VPS13B: variants seen among roughly 807,000 people sequenced by gnomAD.
VPS13B encodes the protein intermembrane lipid transfer protein VPS13B.
Under a neutral mutation model 426.4 loss-of-function variants are expected in VPS13B, and 285 were observed. That is an observed-to-expected ratio of 0.67 (90% CI 0.61 to 0.74). The LOEUF (loss-of-function observed/expected upper bound fraction) is 0.74, where lower values mean the gene tolerates loss of function less well. VPS13B is among the 30% of genes least tolerant of loss of function. The pLI, the probability that VPS13B is intolerant of heterozygous loss-of-function variation, is 0.00. For synonymous variants in VPS13B, 1,676 were observed against 1,676.4 expected (o/e 1.00, Z 0.01); for missense variants, 4,537 against 4,782.6 (o/e 0.95, Z 1.51).
intron 17 of VPS13B, among the ~76,000 whole-genome samples, chr8:99,204,036 G>A (rs13256012): frequency 0.83 from 125,778 of 152,160 alleles, 52,501 homozygotes; most frequent in South Asian, 0.89. Flanking sequence ...ACCAAAAAAG[G>A]GCCTGTATAG....
chr8:99,356,479 C>T (rs1288791541), intron 19 of VPS13B, among the ~76,000 whole-genome samples: 2 of 152,072 alleles, frequency 1.3e-5, no homozygotes, highest in East Asian at 3.9e-4. Flanking sequence ...GAGACCCTGT[C>T]TCTACAAAAT....
rs1817414649 is a variant in VPS13B at position 99,871,527 on chromosome 8, C to T, written c.11575C>T (p.His3859Tyr). The T allele has an allele frequency of 2.5e-6, 4 of 1,614,224 alleles. No individual in the cohort carries two copies. The highest frequency in any genetic ancestry group is 2.5e-6 in the Non-Finnish European group (3 of 1,180,038). Residue 3859 changes from histidine (H) to tyrosine (Y), a missense_variant, in exon 61 of 62, where the codon CAT (histidine) becomes TAT (tyrosine). Physicochemically the swap from His to Tyr is moderately conservative, Grantham distance 83. This residue lies in a region of VPS13B where 4,311 missense variants were observed against 4,474.3 expected (regional missense o/e 0.96). Coordinates refer to ENST00000357162, the MANE Select transcript of VPS13B (RefSeq NM_152564.5). Reference protein sequence around the residue: ...VVLVRGSGQEHEGCLLLTSEV... With the variant: ...VVLVRGSGQEYEGCLLLTSEV... ...TCTGGTGAGGGGCTCAGGCCAGGAG[C>T]ATGAAGGGTGCTTGCTGCTGACATC...
intron 33 of VPS13B, among the ~76,000 whole-genome samples, chr8:99,611,510 A>C (rs1427205074): frequency 6.6e-6 from 1 of 152,026 alleles, no homozygotes; most frequent in Admixed American, 6.6e-5. Context: ...TAATTCTCAA[A>C]TAGCTAAATG....
At chr8:99,021,622 A>G (rs1312336412) in intron 2 of VPS13B, among the ~76,000 whole-genome samples, 1 of 149,814 alleles carries the variant, frequency 6.7e-6, no homozygotes, top group Non-Finnish European at 1.5e-5. Context: ...CTCCATCTCA[A>G]AAAAAAAACA....
intron 35 of VPS13B, among the ~76,000 whole-genome samples, chr8:99,667,685 A>G (rs899435186): frequency 1.5e-4 from 23 of 152,168 alleles, no homozygotes; most frequent in Non-Finnish European, 2.9e-4. Context: ...GAGTAATTAT[A>G]TTGTCTCACT....
At position 99,779,044 on chromosome 8, in the gene VPS13B, C is replaced by T; in HGVS notation, c.7779+13C>T. On this transcript the variant is annotated intron_variant, in intron 42 of 61. Coordinates refer to ENST00000357162, the MANE Select transcript of VPS13B (RefSeq NM_152564.5). The stretch of plus-strand genomic sequence containing the variant: ...AGCTTGGCAACAGGTATGCACATTC[C>T]ATAACAGTTTACAGTTTGGCCACAT... 1 of 1,609,184 alleles carries T rather than the reference C, an allele frequency of 6.2e-7. No homozygotes were observed. Among genetic ancestry groups the T allele is most frequent in the Non-Finnish European group, 8.5e-7 (1 of 1,176,496 alleles).
chr8:99,044,084 CTTTTTTT>C (rs5893476), intron 3 of VPS13B, among the ~76,000 whole-genome samples: 38 of 98,932 alleles, frequency 3.8e-4, no homozygotes, highest in African/African-American at 1.4e-3. Context: ...TTCTTTCTTT[CTTTTTTT>C]TTTTTTTTTT....
intron 42 of VPS13B, among the ~76,000 whole-genome samples, chr8:99,783,313 T>TA (rs1812108878): frequency 6.6e-6 from 1 of 152,182 alleles, no homozygotes; most frequent in Non-Finnish European, 1.5e-5. Context: ...AGCCAGGAAA[T>TA]AGAGGCCAAC....
chr8:99,526,849 A>T (rs1420932085), intron 30 of VPS13B, among the ~76,000 whole-genome samples: 2 of 152,132 alleles, frequency 1.3e-5, no homozygotes, highest in Admixed American at 1.3e-4. Context: ...GGATCTTGAT[A>T]AAATGTGGAT....
At chr8:99,664,700 C>G (rs560612668) in intron 35 of VPS13B, among the ~76,000 whole-genome samples, 14 of 152,270 alleles carry the variant, frequency 9.2e-5, no homozygotes, top group African/African-American at 3.4e-4. Context: ...GCCACATTTT[C>G]TTAATCCAGT....
chr8:99,109,261 A>C (rs1467828147), intron 5 of VPS13B, among the ~76,000 whole-genome samples: 3 of 152,132 alleles, frequency 2.0e-5, no homozygotes, highest in South Asian at 2.1e-4. Context: ...TTTGAAATAT[A>C]GTTGCTGTTA....
intron 19 of VPS13B, among the ~76,000 whole-genome samples, chr8:99,308,866 T>C (rs954240672): frequency 4.0e-5 from 6 of 151,762 alleles, no homozygotes; most frequent in East Asian, 1.9e-4. Flanking sequence ...TTTTAATGAT[T>C]GCCATTCTAA....
chr8:99,175,635 T>C (rs1003184312), intron 16 of VPS13B, among the ~76,000 whole-genome samples: 1 of 152,154 alleles, frequency 6.6e-6, no homozygotes, highest in Non-Finnish European at 1.5e-5. Context: ...CATGTGCCTA[T>C]AGTCTCAGCT....
At chr8:99,774,522 A>G (rs1216931603) in intron 40 of VPS13B, among the ~76,000 whole-genome samples, 1 of 152,206 alleles carries the variant, frequency 6.6e-6, no homozygotes, top group Non-Finnish European at 1.5e-5. Flanking sequence ...GAGATAGAAA[A>G]ATAAATCTTG....
intron 19 of VPS13B, among the ~76,000 whole-genome samples, chr8:99,357,518 G>A (rs890739421): frequency 7.9e-5 from 12 of 151,750 alleles, no homozygotes; most frequent in Admixed American, 2.6e-4. Context: ...TATTCATTTT[G>A]TGTGCCTAAT....
At chr8:99,725,748 A>G (rs1218059075) in intron 39 of VPS13B, among the ~76,000 whole-genome samples, 9 of 152,158 alleles carry the variant, frequency 5.9e-5, no homozygotes, top group Non-Finnish European at 1.2e-4. Flanking sequence ...GATTTTCTAC[A>G]CCAAACTATA....
intron 36 of VPS13B, among the ~76,000 whole-genome samples, chr8:99,704,507 G>T (rs1832417258): frequency 6.6e-6 from 1 of 152,152 alleles, no homozygotes; most frequent in Non-Finnish European, 1.5e-5. Flanking sequence ...AAAATAATAT[G>T]TTGCAATAAC....
chr8:99,696,901 A>G, intron 35 of VPS13B: 1 of 757,928 alleles, frequency 1.3e-6, no homozygotes, highest in Admixed American at 1.8e-5. Context: ...CCAGCTCACC[A>G]TGTGACTGCG....
intron 35 of VPS13B, among the ~76,000 whole-genome samples, chr8:99,686,386 T>A (rs1355371548): frequency 9.3e-5 from 14 of 150,708 alleles, no homozygotes; most frequent in Non-Finnish European, 1.9e-4. Flanking sequence ...CTGTGTTCAC[T>A]CAAGGTCCTA....
Sources: allele counts gnomAD v4.1 joint callset (sites outside exome capture counted in the v4.1 genomes callset), GRCh38; gene constraint gnomAD v4.1.1; regional missense constraint gnomAD v4.1.1; transcripts MANE v1.5; gene names NCBI Gene and HGNC (gene_info 2026-07-23, HGNC 2026-07-21).